Variants in DYRK3 observed in about 807,000 individuals in gnomAD.
DYRK3 encodes the protein dual specificity tyrosine phosphorylation regulated kinase 3, also known as dual specificity tyrosine-phosphorylation-regulated kinase 3.
A neutral mutation model predicts 40.8 loss-of-function variants in DYRK3; 30 were observed. The observed-to-expected ratio is 0.74, with a 90% CI of 0.55 to 1.00. The LOEUF (loss-of-function observed/expected upper bound fraction) is 1.00. DYRK3 is among the 50% of genes least tolerant of loss of function. The pLI is 0.00. For missense variants in DYRK3, 699 were observed against 731.5 expected (o/e 0.96, Z 0.51); for synonymous variants, 272 against 260.7 (o/e 1.04, Z -0.42).
chr1:206,645,931 C>T (rs990780878), intron 2 of DYRK3, among the ~76,000 whole-genome samples: 7 of 152,082 alleles, frequency 4.6e-5, no homozygotes, highest in Non-Finnish European at 8.8e-5. Context: ...CTCACTGCAA[C>T]CTCCACCTCC....
chr1:206,646,331 A>G (rs1252133023), intron 2 of DYRK3, among the ~76,000 whole-genome samples: 1 of 151,994 alleles, frequency 6.6e-6, no homozygotes. Flanking sequence ...CTTTTCCTCC[A>G]TCTTATTTCA....
chr1:206,647,255 T>C (rs752791889), intron 2 of DYRK3, 133 bp from the exon 3 acceptor site: 1 of 915,732 alleles, frequency 1.1e-6, no homozygotes, highest in Non-Finnish European at 1.6e-6. Context: ...GCTTTTCTTA[T>C]CTTCTTTTTG....
In DYRK3 at chr1:206,647,931, C is replaced by T. The variant is rs959857675; in HGVS notation, c.733C>T (p.Arg245Cys). ...CCTAAAAATGGTGCGCAATGAGAAG[C>T]GCTTTCATCGTCAAGCAGCTGAGGA... Reference protein sequence around the residue: ...VALKMVRNEKRFHRQAAEEIR... With the variant: ...VALKMVRNEKCFHRQAAEEIR... The change falls in exon 3 of 3, where the codon CGC becomes TGC. Residue 245 changes from arginine (R) to cysteine (C), a missense_variant. Arg to Cys is a radical substitution (Grantham distance 180, BLOSUM62 -3). Coordinates refer to ENST00000367109, the MANE Select transcript of DYRK3 (RefSeq NM_003582.4). 14 of 1,613,898 alleles carry T rather than the reference C, an allele frequency of 8.7e-6. No homozygotes were observed. Among genetic ancestry groups the T allele is most frequent in the African/African-American group, 6.7e-5 (5 of 74,882 alleles).
At position 206,645,952 on chromosome 1, in the gene DYRK3, C is replaced by A. The variant is rs782800387; in HGVS notation, c.190-1436C>A. 2.0e-5 allele frequency among the ~76,000 whole-genome samples: 3 copies of A among 152,054 alleles called. No homozygotes were observed. In the South Asian group the frequency reaches 6.2e-4, roughly 32 times the overall value. On this transcript the variant is annotated intron_variant, in intron 2 of 2. Coordinates refer to ENST00000367109, the MANE Select transcript of DYRK3 (RefSeq NM_003582.4). ...GCAACCTCCACCTCCTGGGTTCAAG[C>A]AATTCTCCTGCCTCAGCCTCCCAAG...
chr1:206,647,351 T>C (rs1292604827), intron 2 of DYRK3, 37 bp from the exon 3 acceptor site: 1 of 1,527,624 alleles, frequency 6.5e-7, no homozygotes, highest in African/African-American at 1.4e-5. Context: ...ATCTTTCTAA[T>C]GTTTTTAATG....
At position 206,648,640 on chromosome 1, in the gene DYRK3, A is replaced by G; in HGVS notation, c.1442A>G (p.Lys481Arg). Residue 481 changes from lysine (K) to arginine (R), a missense_variant, in exon 3 of 3, where the codon AAA becomes AGA. Transcript: ENST00000367109. The part of the protein sequence containing the change: ...RGKKRGPPGS[K>R]DWGTALKGCD... ...AAAAAGCGGGGTCCCCCAGGCAGCA[A>G]AGACTGGGGGACAGCACTGAAAGGG... The G allele has an allele frequency of 6.2e-7, 1 of 1,613,738 alleles. No individual in the cohort carries two copies. The highest frequency in any genetic ancestry group is 1.3e-5 in the African/African-American group (1 of 75,020).
rs560767145 is a variant in DYRK3 at position 206,641,417 on chromosome 1, C to A, written c.189+3656C>A. ...TTGCTGTGAATGCCATTATTTCATT[C>A]TTTTTTATGGCTAAATAGTATTCTA... On this transcript the variant is annotated intron_variant, in intron 2 of 2. Transcript: ENST00000367109. Among the ~76,000 whole-genome samples, 241 of 148,422 alleles carry A rather than the reference C, an allele frequency of 1.6e-3. 14 individuals carry two copies. Among genetic ancestry groups the A allele is most frequent in the Admixed American group, 0.016 (235 of 14,838 alleles).
chr1:206,654,585 T>C lies in DYRK3; in HGVS notation c.*5620T>C, dbSNP rs933310709. On this transcript the variant is annotated 3_prime_UTR_variant, in exon 3 of 3. Transcript: ENST00000367109. ...TCCTGAAGCCCAAACTTTTAAAGAA[T>C]TTACTTCCAGACCTGGCCTTCAGCC... is the stretch of plus-strand genomic sequence containing the variant. Among the ~76,000 whole-genome samples, 7 of 152,214 alleles carry C rather than the reference T, an allele frequency of 4.6e-5. No homozygotes were observed. The highest frequency in any genetic ancestry group is 1.4e-4 in the African/African-American group (6 of 41,460).
chr1:206,635,732 G>A lies in DYRK3; in HGVS notation c.29G>A (p.Arg10Gln). 1 of 1,246,648 alleles carries A rather than the reference G, an allele frequency of 8.0e-7. No individual in the cohort carries two copies. 77.2% of individuals were successfully genotyped at this position (1,246,648 alleles called of 1,614,324 possible). A position where few individuals can be genotyped will look rare whatever the true frequency, so the allele number is the denominator to read the frequency against. MGGTARGPG[R>Q]KDAGPPGAGL... is the part of the protein sequence containing the mutation. The stretch of plus-strand genomic sequence containing the variant: ...GGAGGCACAGCTCGTGGGCCTGGGC[G>A]GAAGGATGCGGGGCCGCCTGGGGCC... The change falls in exon 1 of 3, where the codon CGG becomes CAG. Residue 10 changes from arginine (R) to glutamine (Q), a missense_variant. By Grantham distance (43) the Arg-to-Gln change is conservative (BLOSUM62 1). Transcript: ENST00000367109.
chr1:206,648,875 T>C lies in DYRK3; in HGVS notation c.1677T>C (p.Val559=). The change falls in exon 3 of 3, where the codon GTT becomes GTC. Residue 559 remains valine (V), a synonymous_variant. Coordinates refer to ENST00000367109, the MANE Select transcript of DYRK3 (RefSeq NM_003582.4). ...QGLGSKLPPV[V]GIANKLKANL... The stretch of plus-strand genomic sequence containing the variant: ...TGGGTTCTAAGCTGCCTCCAGTTGT[T>C]GGAATAGCCAATAAGCTTAAAGCTA... The C allele has an allele frequency of 6.2e-7, 1 of 1,614,192 alleles. No individual in the cohort carries two copies. Among genetic ancestry groups the C allele is most frequent in the Non-Finnish European group, 8.5e-7 (1 of 1,180,020 alleles).
chr1:206,651,211 TC>T lies in DYRK3; in HGVS notation c.*2247del, dbSNP rs1281688586. Among the ~76,000 whole-genome samples the T allele has an allele frequency of 6.6e-6, 1 of 152,202 alleles. No homozygotes were observed. The highest frequency in any genetic ancestry group is 1.9e-4 in the East Asian group (1 of 5,196). On this transcript the variant is annotated 3_prime_UTR_variant, in exon 3 of 3. Coordinates refer to ENST00000367109, the MANE Select transcript of DYRK3 (RefSeq NM_003582.4). ...TCTTCTTTATTCATCACTGCCTTCT[TC>T]AAGGGAGGTCTTGAAACTGCCTCAT... is the stretch of plus-strand genomic sequence containing the variant.
At position 206,648,536 on chromosome 1, in the gene DYRK3, G is replaced by A. The variant is rs199530637; in HGVS notation, c.1338G>A (p.Lys446=). ...GTGCCAAGTACTTTATTAATTCCAAGGGCATACCCCGCTACTGCTCTGTGA... is the reference window on the plus strand; with the variant it reads ...GTGCCAAGTACTTTATTAATTCCAAAGGCATACCCCGCTACTGCTCTGTGA... The part of the protein sequence containing the change: ...SKRAKYFINS[K]GIPRYCSVTT... Residue 446 remains lysine (K), a synonymous_variant, in exon 3 of 3, where the codon AAG becomes AAA. Transcript: ENST00000367109. 2.5e-6 allele frequency: 4 copies of A among 1,614,022 alleles called. No homozygotes were observed. The highest frequency in any genetic ancestry group is 2.7e-5 in the African/African-American group (2 of 74,894).
intron 2 of DYRK3, 21 bp downstream of exon 2, chr1:206,637,782 T>A (rs1260563993): frequency 5.7e-6 from 9 of 1,575,480 alleles, no homozygotes; most frequent in African/African-American, 1.3e-5. Context: ...GAAGTCATTC[T>A]TTGTACATGA....
intron 2 of DYRK3, among the ~76,000 whole-genome samples, chr1:206,641,513 T>C (rs1671290157): frequency 1.3e-5 from 2 of 150,456 alleles, no homozygotes; most frequent in Non-Finnish European, 1.5e-5. Context: ...AAATATTTAG[T>C]GTTTTAAAAC....
At position 206,650,485 on chromosome 1, in the gene DYRK3, T is replaced by G. The variant is rs1209418918; in HGVS notation, c.*1520T>G. Among the ~76,000 whole-genome samples, 10 of 152,220 alleles carry G rather than the reference T, an allele frequency of 6.6e-5. No homozygotes were observed. Among genetic ancestry groups the G allele is most frequent in the Admixed American group, 1.3e-4 (2 of 15,286 alleles). Reference sequence around the variant, plus strand: ...GGGAGGCTGAGGTGGGAGGATCACTTGAGCTGAGATCATGCCACTGCACTC... The same window carrying G: ...GGGAGGCTGAGGTGGGAGGATCACTGGAGCTGAGATCATGCCACTGCACTC... On this transcript the variant is annotated 3_prime_UTR_variant, in exon 3 of 3. Coordinates refer to ENST00000367109, the MANE Select transcript of DYRK3 (RefSeq NM_003582.4).
In DYRK3 at chr1:206,649,290, T is replaced by C. The variant is rs552152813; in HGVS notation, c.*325T>C. On this transcript the variant is annotated 3_prime_UTR_variant, in exon 3 of 3. Coordinates refer to ENST00000367109, the MANE Select transcript of DYRK3 (RefSeq NM_003582.4). Reference sequence around the variant, plus strand: ...CAAGATAGAAGGTGTAGCAAAAGTATCCCAACTACTCCTCGCTTCTAGTGT... The same window carrying C: ...CAAGATAGAAGGTGTAGCAAAAGTACCCCAACTACTCCTCGCTTCTAGTGT... The C allele has an allele frequency of 3.4e-5, 8 of 237,376 alleles. No individual in the cohort carries two copies. Among genetic ancestry groups the C allele is most frequent in the African/African-American group, 1.4e-4 (6 of 43,220 alleles). 14.7% of individuals were successfully genotyped at this position (237,376 alleles called of 1,614,324 possible).
In DYRK3 at chr1:206,647,692, A is replaced by G. The variant is rs1671495964; in HGVS notation, c.494A>G (p.Tyr165Cys). 1 of 1,614,106 alleles carries G rather than the reference A, an allele frequency of 6.2e-7. No homozygotes were observed. Among genetic ancestry groups the G allele is most frequent in the Admixed American group, 1.7e-5 (1 of 60,008 alleles). Residue 165 changes from tyrosine (Y) to cysteine (C), a missense_variant, in exon 3 of 3, where the codon TAT becomes TGT. Transcript: ENST00000367109. Reference sequence around the variant, plus strand: ...TATGAGAAACTGGAAATAATTAATTATCCAGAAATTTACTTTGTAGGTCCA... The same window carrying G: ...TATGAGAAACTGGAAATAATTAATTGTCCAGAAATTTACTTTGTAGGTCCA... Reference protein sequence around the residue: ...TAYEKLEIINYPEIYFVGPNA... With the variant: ...TAYEKLEIINCPEIYFVGPNA...
rs1553421480 is a variant in DYRK3, at chr1:206,652,848, C to T, written c.*3883C>T. Among the ~76,000 whole-genome samples, 1 of 152,142 alleles carries T rather than the reference C, an allele frequency of 6.6e-6. No individual in the cohort carries two copies. Among genetic ancestry groups the T allele is most frequent in the African/African-American group, 2.4e-5 (1 of 41,414 alleles). ...GTACAGAAATTCAGACTGTCTCTTC[C>T]TCAGTTACTGGATTGTTCTTTAGCC... On this transcript the variant is annotated 3_prime_UTR_variant, in exon 3 of 3. Coordinates refer to ENST00000367109, the MANE Select transcript of DYRK3 (RefSeq NM_003582.4).
chr1:206,636,846 T>A, intron 1 of DYRK3: 5 of 1,479,776 alleles, frequency 3.4e-6, no homozygotes, highest in Non-Finnish European at 4.6e-6. Context: ...ATTAAATAAA[T>A]CCTCTCCGTC....
Sources: allele counts gnomAD v4.1 joint callset (sites outside exome capture counted in the v4.1 genomes callset), GRCh38; gene constraint gnomAD v4.1.1; transcripts MANE v1.5; gene names NCBI Gene and HGNC (gene_info 2026-07-23, HGNC 2026-07-21).